Variants in ZNF324B observed in about 807,000 individuals in gnomAD.
The protein encoded by ZNF324B is zinc finger protein 324B.
In ZNF324B, 7 loss-of-function variants were observed where a neutral mutation model predicts 10.6. The ratio of observed to expected loss-of-function variants is 0.66; its 90% CI spans 0.38 to 1.24. The LOEUF (loss-of-function observed/expected upper bound fraction) is 1.24, where lower values mean the gene tolerates loss of function less well. Ranked by LOEUF, ZNF324B falls within the 50% of genes most tolerant of loss-of-function variation. The pLI is 0.02. For synonymous variants in ZNF324B, 316 were observed against 321.0 expected (o/e 0.98, Z 0.17); for missense variants, 640 against 764.7 (o/e 0.84, Z 1.92).
chr19:58,429,175 C>T, the ZNF324B span: 1 of 152,218 alleles, frequency 6.6e-6, no homozygotes, highest in Non-Finnish European at 1.5e-5. Flanking sequence ...CTCAGTGCCC[C>T]CTTACAAAAG....
At chr19:58,436,542 C>A in the ZNF324B span, among the ~76,000 whole-genome samples, 1 of 151,786 alleles carries the variant, frequency 6.6e-6, no homozygotes, top group Non-Finnish European at 1.5e-5. Context: ...GTGGCAGGCA[C>A]CTGTAGTCCC....
chr19:58,438,019 C>T, the ZNF324B span, among the ~76,000 whole-genome samples: 1 of 152,176 alleles, frequency 6.6e-6, no homozygotes, highest in Non-Finnish European at 1.5e-5. Flanking sequence ...TTAGGCTGAC[C>T]CTTTCTGATC....
At chr19:58,426,185 G>C in the ZNF324B span, among the ~76,000 whole-genome samples, 1 of 152,204 alleles carries the variant, frequency 6.6e-6, no homozygotes, top group Admixed American at 6.5e-5. Context: ...GCCAGAAGAA[G>C]GCTGGGGCTG....
the ZNF324B span, chr19:58,433,010 T>TGCCTAACCCTCTCAGAGGCAATGG: frequency 5.4e-6 from 2 of 367,498 alleles, no homozygotes; most frequent in Admixed American, 4.3e-5. Context: ...TCGGTTCAGC[T>TGCCTAACCCTCTCAGAGGCAATGG]GAGCACAGTC....
the ZNF324B span, among the ~76,000 whole-genome samples, chr19:58,437,988 A>T: frequency 6.6e-6 from 1 of 152,006 alleles, no homozygotes. Context: ...ACTGGCCCCC[A>T]CCTTGGCTTG....
the ZNF324B span, among the ~76,000 whole-genome samples, chr19:58,432,579 C>T: frequency 6.6e-6 from 1 of 152,144 alleles, no homozygotes; most frequent in South Asian, 2.1e-4. Context: ...GTTTATTTTT[C>T]CTCTGGGTAA....
chr19:58,430,449 A>G, the ZNF324B span: 1 of 152,260 alleles, frequency 6.6e-6, no homozygotes, highest in Non-Finnish European at 1.5e-5. Context: ...AATAGCAGTA[A>G]TACAGTGCCG....
Position 58,456,102 on chromosome 19 carries a change from G to A in ZNF324B, c.1158G>A (p.Gln386=), listed in dbSNP as rs527933334. The part of the protein sequence containing the change: ...RRFCRNSHLI[Q]HERTHTGEKP... ...TCTGCCGCAACTCGCACCTGATCCA[G>A]CACGAGCGTACGCACACAGGCGAGA... Residue 386 remains glutamine (Q), a synonymous_variant, in exon 4 of 4, where the codon CAG becomes CAA. Transcript: ENST00000336614. This position sits in a 1 kb window ranked among gnomAD's most constrained non-coding sequence, Gnocchi z 4.7. The A allele has an allele frequency of 6.8e-6, 11 of 1,613,004 alleles. No individual in the cohort carries two copies. In the East Asian group the frequency reaches 2.0e-4, roughly 29 times the overall value.
the ZNF324B span, chr19:58,431,060 C>T: frequency 6.6e-6 from 1 of 152,198 alleles, no homozygotes; most frequent in Non-Finnish European, 1.5e-5. Context: ...GCCCTTGAGT[C>T]CTCTCACTTA....
chr19:58,434,009 T>G, the ZNF324B span: 3 of 1,614,096 alleles, frequency 1.9e-6, no homozygotes, highest in Non-Finnish European at 2.5e-6. Flanking sequence ...GTGTGAACTT[T>G]CTGATGTCGA....
At chr19:58,448,395 A>G (rs2122329541), upstream of ZNF324B, among the ~76,000 whole-genome samples, 1 of 152,320 alleles carries the variant, frequency 6.6e-6, no homozygotes, top group South Asian at 2.1e-4. Flanking sequence ...CCCCTGCTGT[A>G]GAGATTTGTG....
rs763234752 is a variant in ZNF324B at position 58,455,098 on chromosome 19, G to T, written c.239-85G>T. On this transcript the variant is annotated intron_variant, in intron 3 of 3. Transcript: ENST00000336614. The surrounding 1 kb of genome is among the most constrained non-coding windows in gnomAD (Gnocchi z 7.0). ...CCCTAAGCTTTTGTCCCGGCTCCTGGGCTCCCCCTTGCCTGTCCACTCAGC... is the reference window on the plus strand; with the variant it reads ...CCCTAAGCTTTTGTCCCGGCTCCTGTGCTCCCCCTTGCCTGTCCACTCAGC... 1 of 1,575,920 alleles carries T rather than the reference G, an allele frequency of 6.3e-7. No homozygotes were observed. The highest frequency in any genetic ancestry group is 2.2e-5 in the East Asian group (1 of 44,712).
At chr19:58,440,062 G>A in the ZNF324B span, 21 of 528,688 alleles carry the variant, frequency 4.0e-5, no homozygotes, top group African/African-American at 1.4e-4. Context: ...GTGAAGGCGC[G>A]GTGACGGTCC....
rs767898616 is a variant in ZNF324B, at chr19:58,456,462, G to C, written c.1518G>C (p.Glu506Asp). 2 of 1,614,058 alleles carry C rather than the reference G, an allele frequency of 1.2e-6. No homozygotes were observed. The highest frequency in any genetic ancestry group is 1.7e-6 in the Non-Finnish European group (2 of 1,180,024). The change falls in exon 4 of 4, where the codon GAG (glutamate) becomes GAC (aspartate). Residue 506 changes from glutamate (E) to aspartate (D), a missense_variant. Physicochemically the swap from Glu to Asp is conservative, Grantham distance 45 (BLOSUM62 2). Transcript: ENST00000336614. The surrounding 1 kb of genome is among the most constrained non-coding windows in gnomAD (Gnocchi z 4.7). ...ACCACCAGAGGATCCACACCACAGA[G>C]AAGACCAATGCCGCAGCACCAGACT... The part of the protein sequence containing the change: ...LLHHQRIHTT[E>D]KTNAAAPDCT...
Position 58,456,006 on chromosome 19 carries a change from C to T in ZNF324B, c.1062C>T (p.Ser354=). ...GCGGCAAGGCCTTCAGCCACGGCTC[C>T]AACCTCAGCCAGCACCGCAAGATCC... The part of the protein sequence containing the change: ...SECGKAFSHG[S]NLSQHRKIHA... The change falls in exon 4 of 4, where the codon TCC becomes TCT. Residue 354 remains serine (S), a synonymous_variant. Coordinates refer to ENST00000336614, the MANE Select transcript of ZNF324B (RefSeq NM_207395.3). The surrounding 1 kb of genome is among the most constrained non-coding windows in gnomAD (Gnocchi z 4.7). 1 of 1,597,374 alleles carries T rather than the reference C, an allele frequency of 6.3e-7. No homozygotes were observed. The highest frequency in any genetic ancestry group is 8.5e-7 in the Non-Finnish European group (1 of 1,170,296).
intron 1 of ZNF324B, chr19:58,451,982 A>C (rs114393548): frequency 0.23 from 54,670 of 232,898 alleles, 7,241 homozygotes; most frequent in East Asian, 0.41. Context: ...TGGCGCTGAC[A>C]AGCCCGCGCC....
the ZNF324B span, among the ~76,000 whole-genome samples, chr19:58,423,570 TC>T: frequency 1.3e-5 from 2 of 152,312 alleles, no homozygotes; most frequent in East Asian, 3.9e-4. Context: ...TAGAAAAAGT[TC>T]TCAGAGCTTT....
chr19:58,453,487 G>C (rs949112692), intron 1 of ZNF324B, among the ~76,000 whole-genome samples: 2 of 152,286 alleles, frequency 1.3e-5, no homozygotes, highest in African/African-American at 2.4e-5. Context: ...TGGCCAGTGG[G>C]GAAGTCAAGA....
chr19:58,437,714 C>T, the ZNF324B span: 18 of 985,406 alleles, frequency 1.8e-5, no homozygotes, highest in Non-Finnish European at 1.9e-5. Context: ...TCTCACCATG[C>T]ACATGGCATA....
Sources: allele counts gnomAD v4.1 joint callset (sites outside exome capture counted in the v4.1 genomes callset), GRCh38; gene constraint gnomAD v4.1.1; non-coding constraint Gnocchi (gnomAD v3.1); transcripts MANE v1.5; gene names NCBI Gene and HGNC (gene_info 2026-07-23, HGNC 2026-07-21).